SLC14A2: variants seen among roughly 807,000 people sequenced by gnomAD.
The protein encoded by SLC14A2 is urea transporter 2.
In SLC14A2, 91 loss-of-function variants were observed where a neutral mutation model predicts 104.6. That is an observed-to-expected ratio of 0.87 (90% CI 0.73 to 1.04). SLC14A2 has a LOEUF of 1.04. SLC14A2 is among the 50% of genes least tolerant of loss of function. SLC14A2 has a pLI of 0.00. For synonymous variants in SLC14A2, 476 were observed against 466.4 expected (o/e 1.02, Z -0.27); for missense variants, 1,189 against 1,156.0 (o/e 1.03, Z -0.41).
At chr18:45,486,464 G>A (rs2087608065) in intron 2 of SLC14A2, among the ~76,000 whole-genome samples, 2 of 151,774 alleles carry the variant, frequency 1.3e-5, no homozygotes, top group African/African-American at 4.8e-5. Flanking sequence ...TTAAAAGCAT[G>A]GTAACTACCA....
At chr18:45,172,969 A>C in the SLC14A2 span, among the ~76,000 whole-genome samples, 1 of 152,036 alleles carries the variant, frequency 6.6e-6, no homozygotes, top group Admixed American at 6.6e-5. Context: ...CTTCTTTTTG[A>C]GTTTCAGTTT....
At chr18:45,556,747 C>T (rs145520576) in intron 2 of SLC14A2, among the ~76,000 whole-genome samples, 1 of 152,320 alleles carries the variant, frequency 6.6e-6, no homozygotes, top group East Asian at 1.9e-4. Flanking sequence ...TGTATGCAAT[C>T]TGTATATAGC....
chr18:45,384,243 A>G (rs1324170753), intron 1 of SLC14A2, among the ~76,000 whole-genome samples: 3 of 151,950 alleles, frequency 2.0e-5, no homozygotes, highest in Admixed American at 2.0e-4. Flanking sequence ...GGCCACACAG[A>G]CCCTCTCCTC....
chr18:45,514,824 C>G (rs947596230), intron 2 of SLC14A2, among the ~76,000 whole-genome samples: 4 of 152,208 alleles, frequency 2.6e-5, no homozygotes, highest in African/African-American at 9.7e-5. Flanking sequence ...TTTGCTTATA[C>G]TGCACTGGGT....
chr18:45,551,547 C>T (rs1365586013), intron 2 of SLC14A2, among the ~76,000 whole-genome samples: 1 of 152,184 alleles, frequency 6.6e-6, no homozygotes, highest in African/African-American at 2.4e-5. Flanking sequence ...AGTCCAGGCT[C>T]TCTGGCATGT....
chr18:45,522,728 T>A (rs550593226), intron 2 of SLC14A2, among the ~76,000 whole-genome samples: 20 of 152,344 alleles, frequency 1.3e-4, no homozygotes, highest in Admixed American at 3.9e-4. Context: ...ATTGTGGTTG[T>A]TGTTTGTTGC....
At chr18:45,525,565 G>A (rs1335752415) in intron 2 of SLC14A2, among the ~76,000 whole-genome samples, 3 of 152,166 alleles carry the variant, frequency 2.0e-5, no homozygotes, top group African/African-American at 7.2e-5. Flanking sequence ...ACACAGAAAT[G>A]GCTTTTATTA....
At chr18:45,397,310 C>G (rs1472050745) in intron 1 of SLC14A2, among the ~76,000 whole-genome samples, 1 of 152,142 alleles carries the variant, frequency 6.6e-6, no homozygotes, top group Non-Finnish European at 1.5e-5. Context: ...TCCTCTACAA[C>G]TTTGACCACA....
the SLC14A2 span, among the ~76,000 whole-genome samples, chr18:45,206,587 T>C: frequency 6.6e-6 from 1 of 152,220 alleles, no homozygotes; most frequent in Non-Finnish European, 1.5e-5. Flanking sequence ...GCCTTTCTCC[T>C]TTATAATTGA....
At chr18:45,650,773 C>G (rs532730919) in intron 10 of SLC14A2, among the ~76,000 whole-genome samples, 2 of 151,964 alleles carry the variant, frequency 1.3e-5, no homozygotes, top group Admixed American at 6.6e-5. Flanking sequence ...GAGTTTTGTT[C>G]TTGTTGCCCA....
At chr18:45,361,829 T>C (rs1047924479) in intron 1 of SLC14A2, among the ~76,000 whole-genome samples, 1 of 152,100 alleles carries the variant, frequency 6.6e-6, no homozygotes, top group Non-Finnish European at 1.5e-5. Flanking sequence ...TGAAAACCAC[T>C]GGGTTAAAAC....
chr18:45,473,393 G>GT (rs1329320275), intron 1 of SLC14A2, among the ~76,000 whole-genome samples: 9 of 152,322 alleles, frequency 5.9e-5, no homozygotes, highest in Middle Eastern at 3.4e-3. Flanking sequence ...ATTTAAAGTA[G>GT]TTTTTTCTAA....
At chr18:45,451,865 G>A (rs1258286884) in intron 1 of SLC14A2, among the ~76,000 whole-genome samples, 1 of 152,066 alleles carries the variant, frequency 6.6e-6, no homozygotes, top group African/African-American at 2.4e-5. Context: ...ATCATATTAT[G>A]GGTTCGGTTA....
At chr18:45,597,722 T>C (rs1360372570) in intron 2 of SLC14A2, among the ~76,000 whole-genome samples, 1 of 152,088 alleles carries the variant, frequency 6.6e-6, no homozygotes, top group Admixed American at 6.5e-5. Flanking sequence ...TAGGCTGCTG[T>C]GTGGAAAATG....
chr18:45,366,016 T>G (rs766191417), intron 1 of SLC14A2, among the ~76,000 whole-genome samples: 80 of 151,674 alleles, frequency 5.3e-4, no homozygotes, highest in Non-Finnish European at 1.1e-3. Flanking sequence ...AAAATCAACT[T>G]CAATAAACTT....
At chr18:45,256,990 T>G (rs72904673) in intron 1 of SLC14A2, among the ~76,000 whole-genome samples, 5,322 of 152,354 alleles carry the variant, frequency 0.035, 137 homozygotes, top group Non-Finnish European at 0.056. Context: ...GTCTGCAGAT[T>G]GTATGCTCTA....
intron 2 of SLC14A2, chr18:45,485,407 A>C (rs1410258327): frequency 6.6e-6 from 1 of 152,204 alleles, no homozygotes; most frequent in African/African-American, 2.4e-5. Context: ...ACCTCAGGTC[A>C]TCTTACTTTT....
chr18:45,350,768 GAA>G (rs200341313), intron 1 of SLC14A2, among the ~76,000 whole-genome samples: 6 of 138,380 alleles, frequency 4.3e-5, no homozygotes, highest in African/African-American at 5.3e-5. Flanking sequence ...ATTTATCCAG[GAA>G]AAAAAAAAAA....
Position 45,605,617 on chromosome 18 carries a change from G to A in SLC14A2, c.-34-19014G>A, listed in dbSNP as rs556983039. On this transcript the variant is annotated intron_variant, in intron 2 of 20. Transcript: ENST00000586448. ...TTAAGGTTGCAGCCTTGAAACTGGA[G>A]AGAAGTGGGCAGAATCACAAAATAT... Among the ~76,000 whole-genome samples, 7 of 152,292 alleles carry A rather than the reference G, an allele frequency of 4.6e-5. No homozygotes were observed. In the South Asian group the frequency reaches 1.5e-3, roughly 32 times the overall value.
Sources: allele counts gnomAD v4.1 joint callset (sites outside exome capture counted in the v4.1 genomes callset), GRCh38; gene constraint gnomAD v4.1.1; transcripts MANE v1.5; gene names NCBI Gene and HGNC (gene_info 2026-07-23, HGNC 2026-07-21).